Variants in MTA2 observed in about 807,000 individuals in gnomAD.
MTA2 encodes metastasis-associated protein MTA2.
Under a neutral mutation model 87.1 loss-of-function variants are expected in MTA2, and 22 were observed. That is an observed-to-expected ratio of 0.25 (90% CI 0.18 to 0.36). The LOEUF is 0.36. MTA2 is among the 10% of genes least tolerant of loss of function. The probability of loss-of-function intolerance (pLI) is 1.00; values close to 1 mark genes in which losing one functional copy is unlikely to be tolerated. For synonymous variants in MTA2, 314 were observed against 310.1 expected (o/e 1.01, Z -0.13); for missense variants, 542 against 853.2 (o/e 0.64, Z 4.54).
chr11:62,596,138 A>C (rs1180855459), intron 11 of MTA2, 31 bp from the exon 12 acceptor site: 1 of 1,611,254 alleles, frequency 6.2e-7, no homozygotes, highest in East Asian at 2.2e-5. Context: ...AAGGGAAAAA[A>C]ACAAGAAACT....
Position 62,601,714 on chromosome 11 carries a change from G to A in MTA2, c.-264C>T, listed in dbSNP as rs1178051700. 1.3e-5 allele frequency: 7 copies of A among 524,794 alleles called. No individual in the cohort carries two copies. Among genetic ancestry groups the A allele is most frequent in the Non-Finnish European group, 2.3e-5 (7 of 301,406 alleles). 32.5% of individuals were successfully genotyped at this position (524,794 alleles called of 1,614,324 possible). A position where few individuals can be genotyped will look rare whatever the true frequency, so the allele number is the denominator to read the frequency against. ...TTCTTCCGGAACGAGCTCGGCTCCT[G>A]CCAGGCCAGAGCCAGGCTCCAGCTA... On this transcript the variant is annotated 5_prime_UTR_variant, in exon 1 of 18. Transcript: ENST00000278823.
At position 62,601,569 on chromosome 11, in the gene MTA2, G is replaced by T; in HGVS notation, c.-119C>A. 1 of 1,223,494 alleles carries T rather than the reference G, an allele frequency of 8.2e-7. No individual in the cohort carries two copies. The highest frequency in any genetic ancestry group is 1.1e-6 in the Non-Finnish European group (1 of 905,064). The allele number at this position is 1,223,494 out of a possible 1,614,324, so 75.8% of individuals were successfully genotyped here. A position where few individuals can be genotyped will look rare whatever the true frequency, so the allele number is the denominator to read the frequency against. On this transcript the variant is annotated 5_prime_UTR_variant, in exon 1 of 18. Transcript: ENST00000278823. ...TGCCGCTTCGAGGGAGTCTCACTGG[G>T]GCCCGCGCAGCCGGCACCTCCGCTG... is the stretch of plus-strand genomic sequence containing the variant.
chr11:62,598,701 A>G, intron 3 of MTA2, 62 bp from the exon 4 acceptor site: 1 of 1,411,282 alleles, frequency 7.1e-7, no homozygotes, highest in Non-Finnish European at 9.9e-7. Flanking sequence ...CCACCCTGGA[A>G]ACTCTAACTC....
Position 62,595,375 on chromosome 11 carries a change from T to C in MTA2, c.1372A>G (p.Thr458Ala). Residue 458 changes from threonine (T) to alanine (A), a missense_variant, in exon 14 of 18, where the codon ACC becomes GCC. Transcript: ENST00000278823. This position sits in a 1 kb window ranked among gnomAD's most constrained non-coding sequence, Gnocchi z 4.9. ...CTGGCAAGACGGGTCAGCTTTGTGG[T>C]CTGAAGCAGGAAAGTTTGTCTGTTC... ...AKNRQTFLLQ[T>A]TKLTRLARRM... 1 of 1,614,212 alleles carries C rather than the reference T, an allele frequency of 6.2e-7. No homozygotes were observed. The highest frequency in any genetic ancestry group is 1.7e-5 in the Admixed American group (1 of 60,024).
At chr11:62,594,187 C>T in intron 17 of MTA2, 72 bp downstream of exon 17, 1 of 1,591,112 alleles carries the variant, frequency 6.3e-7, no homozygotes, top group South Asian at 1.1e-5. Context: ...AGCTCTTGCT[C>T]TGATACTCCT....
At chr11:62,594,946 G>A (rs748040459) in intron 15 of MTA2, 35 bp downstream of exon 15, 2 of 1,583,314 alleles carry the variant, frequency 1.3e-6, no homozygotes, top group Non-Finnish European at 1.7e-6. Context: ...AGGACTGGGA[G>A]CCTGATGCCA....
Position 62,600,695 on chromosome 11 carries a change from AG to A in MTA2, c.29-7del. The A allele has an allele frequency of 6.2e-7, 1 of 1,613,008 alleles. No individual in the cohort carries two copies. The highest frequency in any genetic ancestry group is 8.5e-7 in the Non-Finnish European group (1 of 1,179,292). ...GTTCTCAAAATAGACGTAATCTGTA[AG>A]GGAAGGGAGGGGGGAGAACCACGAA... On this transcript the variant is annotated splice_polypyrimidine_tract_variant and splice_region_variant and intron_variant, in intron 1 of 17. Coordinates refer to ENST00000278823, the MANE Select transcript of MTA2 (RefSeq NM_004739.4).
At chr11:62,597,954 G>A (rs112991644) in intron 6 of MTA2, 70 bp downstream of exon 6, 1 of 1,358,376 alleles carries the variant, frequency 7.4e-7, no homozygotes, top group Non-Finnish European at 1.1e-6. Context: ...CATTCACAGA[G>A]ACTATAATGT....
intron 3 of MTA2, 112 bp from the exon 4 acceptor site, chr11:62,598,751 T>C: frequency 1.0e-6 from 1 of 970,858 alleles, no homozygotes; most frequent in Non-Finnish European, 1.6e-6. Flanking sequence ...TTTTCTCACA[T>C]TTCCCAGGCG....
rs1191763145 is a variant in MTA2 at position 62,596,828 on chromosome 11, A to G, written c.694-3T>C. The G allele has an allele frequency of 1.3e-6, 2 of 1,591,378 alleles. No individual in the cohort carries two copies. The highest frequency in any genetic ancestry group is 1.7e-6 in the Non-Finnish European group (2 of 1,169,544). On this transcript the variant is annotated splice_region_variant and splice_polypyrimidine_tract_variant and intron_variant, in intron 8 of 17. Coordinates refer to ENST00000278823, the MANE Select transcript of MTA2 (RefSeq NM_004739.4). ...TGCAAGGTATCCATGGCGTGAAACT[A>G]TGGGGAAGATGGAGAGCAACTGAGG...
At chr11:62,596,147 C>A (rs199557632) in intron 11 of MTA2, 40 bp from the exon 12 acceptor site, 1 of 1,608,704 alleles carries the variant, frequency 6.2e-7, no homozygotes, top group African/African-American at 1.3e-5. Flanking sequence ...AAACAAGAAA[C>A]TGGTCAAGGA....
chr11:62,595,986 C>A lies in MTA2; in HGVS notation c.1114+24G>T. 1 of 1,614,102 alleles carries A rather than the reference C, an allele frequency of 6.2e-7. No individual in the cohort carries two copies. ...CAGCAGGCCTTCCACCCATCCCCAC[C>A]ATCCCAGTGCCCCCGTAACTCACTG... On this transcript the variant is annotated intron_variant, in intron 12 of 17. Coordinates refer to ENST00000278823, the MANE Select transcript of MTA2 (RefSeq NM_004739.4). This position sits in a 1 kb window ranked among gnomAD's most constrained non-coding sequence, Gnocchi z 4.9.
At chr11:62,601,390 C>T in intron 1 of MTA2, 33 bp downstream of exon 1, 1 of 1,608,558 alleles carries the variant, frequency 6.2e-7, no homozygotes, top group Non-Finnish European at 8.5e-7. Context: ...CCTCTCCCGC[C>T]CCGGGCCCCG....
At position 62,595,711 on chromosome 11, in the gene MTA2, G is replaced by C; in HGVS notation, c.1254+41C>G. ...CTTCACCTAAGCTCACCATCAATAT[G>C]CTTACTGCTCTCCCCTGCTTTTCTT... On this transcript the variant is annotated intron_variant, in intron 13 of 17. Transcript: ENST00000278823. This position sits in a 1 kb window ranked among gnomAD's most constrained non-coding sequence, Gnocchi z 4.9. 6.2e-7 allele frequency: 1 copy of C among 1,609,928 alleles called. No homozygotes were observed. Among genetic ancestry groups the C allele is most frequent in the Non-Finnish European group, 8.5e-7 (1 of 1,177,582 alleles).
Position 62,596,769 on chromosome 11 carries a change from C to G in MTA2, c.750G>C (p.Ser250=), listed in dbSNP as rs777622190. 1.2e-6 allele frequency: 2 copies of G among 1,614,048 alleles called. No individual in the cohort carries two copies. Among genetic ancestry groups the G allele is most frequent in the Non-Finnish European group, 1.7e-6 (2 of 1,179,946 alleles). The part of the protein sequence containing the change: ...RNGYDLAKAM[S]TLVPQGGPVL... ...CCGGGCCTCCCTGGGGTACCAGGGT[C>G]GACATGGCCTTAGCCAGGTCGTAGC... The change falls in exon 9 of 18, where the codon TCG becomes TCC. Residue 250 remains serine (S), a synonymous_variant. Transcript: ENST00000278823.
rs770896799 is a variant in MTA2 at position 62,598,314 on chromosome 11, ATC to A, written c.372+11_372+12del. On this transcript the variant is annotated intron_variant, in intron 5 of 17. Transcript: ENST00000278823. ...CCATTCCCCTCGCTCTTCTCTCAAC[ATC>A]TCTTTCTCACCTCCTTTTCCAGGTA... 3.7e-6 allele frequency: 6 copies of A among 1,613,160 alleles called. No individual in the cohort carries two copies. In the East Asian group the frequency reaches 8.9e-5, roughly 24 times the overall value.
Position 62,601,745 on chromosome 11 carries a change from G to A in MTA2, c.-295C>T. 4 of 514,116 alleles carry A rather than the reference G, an allele frequency of 7.8e-6. No individual in the cohort carries two copies. Among genetic ancestry groups the A allele is most frequent in the East Asian group, 3.5e-5 (1 of 28,526 alleles). 31.8% of individuals were successfully genotyped at this position (514,116 alleles called of 1,614,324 possible). A position where few individuals can be genotyped will look rare whatever the true frequency, so the allele number is the denominator to read the frequency against. ...CCAGAGCCAGGCTCCAGCTACCCCC[G>A]CCCCCGCGGAGTCCCACTAGTCGTT... On this transcript the variant is annotated 5_prime_UTR_variant, in exon 1 of 18. Transcript: ENST00000278823.
Position 62,600,685 on chromosome 11 carries a change from G to A in MTA2, c.33C>T (p.Tyr11=), listed in dbSNP as rs761773900. Residue 11 remains tyrosine (Y), a synonymous_variant, in exon 2 of 18, where the codon TAC becomes TAT. Coordinates refer to ENST00000278823, the MANE Select transcript of MTA2 (RefSeq NM_004739.4). ...TGCTGGAAGAGTTCTCAAAATAGAC[G>A]TAATCTGTAAGGGAAGGGAGGGGGG... The part of the protein sequence containing the change: MAANMYRVGD[Y]VYFENSSSNP... 9.3e-6 allele frequency: 15 copies of A among 1,613,488 alleles called. No individual in the cohort carries two copies. The highest frequency in any genetic ancestry group is 2.2e-5 in the South Asian group (2 of 91,076).
At position 62,598,018 on chromosome 11, in the gene MTA2, G is replaced by A; in HGVS notation, c.490+6C>T. 6.2e-7 allele frequency: 1 copy of A among 1,609,436 alleles called. No homozygotes were observed. Among genetic ancestry groups the A allele is most frequent in the Non-Finnish European group, 8.5e-7 (1 of 1,175,840 alleles). Reference sequence around the variant, plus strand: ...GGTAGCCGTACAGTCTTGTCCTGTTGCTTACCCTCTACTAGGCGATCTGGG... The same window carrying A: ...GGTAGCCGTACAGTCTTGTCCTGTTACTTACCCTCTACTAGGCGATCTGGG... On this transcript the variant is annotated splice_donor_region_variant and intron_variant, in intron 6 of 17. Transcript: ENST00000278823.
Sources: allele counts gnomAD v4.1 joint callset, GRCh38; gene constraint gnomAD v4.1.1; non-coding constraint Gnocchi (gnomAD v3.1); transcripts MANE v1.5; gene names NCBI Gene and HGNC (gene_info 2026-07-23, HGNC 2026-07-21).